The following DDT variants were observed in gnomAD, a reference collection of about 807,000 sequenced individuals.
DDT encodes D-dopachrome decarboxylase.
In DDT, 4 loss-of-function variants were observed where a neutral mutation model predicts 2.5. The observed-to-expected ratio is 1.59, with a 90% CI of 0.78 to 3.63. The LOEUF (loss-of-function observed/expected upper bound fraction) is 3.63. Ranked by LOEUF, DDT falls within the 30% of genes most tolerant of loss-of-function variation. The pLI is 0.01. For synonymous variants in DDT, 11 were observed against 10.0 expected (o/e 1.10, Z -0.19); for missense variants, 32 against 30.0 (o/e 1.07, Z -0.15).
At chr22:23,971,742 A>C (rs905439381) in intron 2 of DDT, 119 bp from the exon 3 acceptor site, 100 of 882,994 alleles carry the variant, frequency 1.1e-4, no homozygotes, top group Admixed American at 1.6e-4. Context: ...TCCACCAGGC[A>C]TTTTGCAAAC....
chr22:23,971,612 C>G lies in DDT; in HGVS notation c.296G>C (p.Arg99Pro). 6.2e-7 allele frequency: 1 copy of G among 1,614,040 alleles called. No individual in the cohort carries two copies. The highest frequency in any genetic ancestry group is 8.5e-7 in the Non-Finnish European group (1 of 1,179,948). ...LALGQDRILI[R>P]FFPLESWQIG... ...CTGCCAGGACTCCAAGGGGAAAAAG[C>G]GGATAAGTATCCTTCAGGAGACAGA... The change falls in exon 3 of 3, where the codon CGC becomes CCC. Residue 99 changes from arginine (R) to proline (P), a missense_variant. Physicochemically the swap from Arg to Pro is moderately radical, Grantham distance 103 (BLOSUM62 -2). Coordinates refer to ENST00000398344, the MANE Select transcript of DDT (RefSeq NM_001084392.3).
intron 2 of DDT, chr22:23,973,440 ACGTGTACCTAC>A (rs1457892145): frequency 0.3 from 538 of 1,798 alleles, 87 homozygotes; most frequent in Non-Finnish European, 0.34. Flanking sequence ...CACTTCAGCC[ACGTGTACCTAC>A]CCTGTCAGGT....
intron 2 of DDT, 25 bp from the exon 3 acceptor site, chr22:23,971,648 T>A: frequency 6.3e-7 from 1 of 1,597,126 alleles, no homozygotes; most frequent in Non-Finnish European, 8.6e-7. Context: ...GAAAAAGATA[T>A]CATCAGCTCC....
At chr22:23,971,882 T>C (rs553236979) in intron 2 of DDT, 2 of 465,772 alleles carry the variant, frequency 4.3e-6, no homozygotes, top group Admixed American at 3.7e-5. Context: ...GTGTGTGCCG[T>C]ACACTCTATC....
chr22:23,971,439 T>C lies in DDT; in HGVS notation c.*112A>G. On this transcript the variant is annotated 3_prime_UTR_variant, in exon 3 of 3. Coordinates refer to ENST00000398344, the MANE Select transcript of DDT (RefSeq NM_001084392.3). ...GAAGAGGATTATGTGATCACAGGAATGTTGCATGCGGGATAATCCAAAGCT... is the reference window on the plus strand; with the variant it reads ...GAAGAGGATTATGTGATCACAGGAACGTTGCATGCGGGATAATCCAAAGCT... The C allele has an allele frequency of 6.2e-7, 1 of 1,610,002 alleles. No individual in the cohort carries two copies.
chr22:23,971,631 A>G lies in DDT; in HGVS notation c.285-8T>C. 1 of 1,600,478 alleles carries G rather than the reference A, an allele frequency of 6.2e-7. No individual in the cohort carries two copies. Among genetic ancestry groups the G allele is most frequent in the Non-Finnish European group, 8.6e-7 (1 of 1,168,482 alleles). Reference sequence around the variant, plus strand: ...AAAAAGCGGATAAGTATCCTTCAGGAGACAGAGAAAAAGATATCATCAGCT... The same window carrying G: ...AAAAAGCGGATAAGTATCCTTCAGGGGACAGAGAAAAAGATATCATCAGCT... On this transcript the variant is annotated splice_polypyrimidine_tract_variant and splice_region_variant and intron_variant, in intron 2 of 2. Transcript: ENST00000398344.
intron 2 of DDT, chr22:23,972,440 C>T (rs1415775634): frequency 6.9e-6 from 1 of 144,408 alleles, no homozygotes; most frequent in African/African-American, 2.6e-5. Flanking sequence ...CACATCCTCT[C>T]ATATACTTTA....
intron 2 of DDT, chr22:23,972,263 C>A: frequency 3.1e-6 from 3 of 955,578 alleles, no homozygotes; most frequent in Non-Finnish European, 3.7e-6. Context: ...GTGTAAAGTA[C>A]CTGTAGAGGA....
chr22:23,972,655 A>G (rs1200805046), intron 2 of DDT: 3 of 630,114 alleles, frequency 4.8e-6, no homozygotes, highest in African/African-American at 3.9e-5. Flanking sequence ...GGCTGACTGT[A>G]TTATTCCTCT....
intron 2 of DDT, chr22:23,971,862 T>C: frequency 1.9e-6 from 1 of 527,456 alleles, no homozygotes; most frequent in Non-Finnish European, 3.4e-6. Context: ...CACAATACAG[T>C]AGCCTCGGTG....
At chr22:23,972,662 C>A in intron 2 of DDT, 2 of 692,866 alleles carry the variant, frequency 2.9e-6, no homozygotes, top group Admixed American at 5.6e-5. Context: ...TGTATTATTC[C>A]TCTGTAGCTT....
intron 2 of DDT, 55 bp from the exon 3 acceptor site, chr22:23,971,678 G>T (rs1047167751): frequency 2.0e-6 from 3 of 1,530,398 alleles, no homozygotes; most frequent in Admixed American, 3.5e-5. Context: ...ACCACATCTT[G>T]CAAGACCCCT....
Position 23,971,623 on chromosome 22 carries a change from C to T in DDT, c.285G>A (p.Arg95=), listed in dbSNP as rs779750125. 22 of 1,613,794 alleles carry T rather than the reference C, an allele frequency of 1.4e-5. No homozygotes were observed. In the East Asian group the frequency reaches 4.2e-4, roughly 31 times the overall value. The part of the protein sequence containing the change: ...LTKELALGQD[R]ILIRFFPLES... Reference sequence around the variant, plus strand: ...CCAAGGGGAAAAAGCGGATAAGTATCCTTCAGGAGACAGAGAAAAAGATAT... The same window carrying T: ...CCAAGGGGAAAAAGCGGATAAGTATTCTTCAGGAGACAGAGAAAAAGATAT... The change falls in exon 3 of 3, where the codon CGG becomes CGA. Residue 95 remains arginine (R), a splice_region_variant and synonymous_variant. Coordinates refer to ENST00000398344, the MANE Select transcript of DDT (RefSeq NM_001084392.3).
At chr22:23,971,813 G>T in intron 2 of DDT, 190 bp from the exon 3 acceptor site, 1 of 613,656 alleles carries the variant, frequency 1.6e-6, no homozygotes, top group South Asian at 2.0e-5. Flanking sequence ...ACTCAGGTGT[G>T]GGAGGTAGCC....
Position 23,971,427 on chromosome 22 carries a change from T to G in DDT, c.*124A>C. On this transcript the variant is annotated 3_prime_UTR_variant, in exon 3 of 3. Coordinates refer to ENST00000398344, the MANE Select transcript of DDT (RefSeq NM_001084392.3). ...TATGAGGATGAAGAAGAGGATTATG[T>G]GATCACAGGAATGTTGCATGCGGGA... 1.2e-6 allele frequency: 2 copies of G among 1,611,328 alleles called. No homozygotes were observed. The highest frequency in any genetic ancestry group is 8.5e-7 in the Non-Finnish European group (1 of 1,178,340).
chr22:23,972,063 G>A, intron 2 of DDT: 1 of 596,444 alleles, frequency 1.7e-6, no homozygotes, highest in Non-Finnish European at 2.1e-6. Context: ...CCTCTCAGAG[G>A]TAACAGCAAG....
At chr22:23,972,338 G>A in intron 2 of DDT, 1 of 548,594 alleles carries the variant, frequency 1.8e-6, no homozygotes, top group East Asian at 1.6e-4. Context: ...GTATCCGTGG[G>A]AGATTTGTTC....
At chr22:23,972,262 A>G (rs2146210638) in intron 2 of DDT, 1 of 956,882 alleles carries the variant, frequency 1.0e-6, no homozygotes, top group Non-Finnish European at 1.2e-6. Context: ...AGTGTAAAGT[A>G]CCTGTAGAGG....
At chr22:23,972,331 T>G in intron 2 of DDT, 1 of 592,362 alleles carries the variant, frequency 1.7e-6, no homozygotes, top group Non-Finnish European at 2.1e-6. Flanking sequence ...TCCCTGAGTA[T>G]CCGTGGGAGA....
Sources: allele counts gnomAD v4.1 joint callset, GRCh38; gene constraint gnomAD v4.1.1; transcripts MANE v1.5; gene names NCBI Gene and HGNC (gene_info 2026-07-23, HGNC 2026-07-21).